The following PRDM1 variants were observed in gnomAD, a reference collection of about 807,000 sequenced individuals.
The protein encoded by PRDM1 is PR/SET domain 1.
PRDM1 carries 13 observed loss-of-function variants against 62.8 expected under a neutral mutation model. That is an observed-to-expected ratio of 0.21 (90% confidence interval 0.13 to 0.33). PRDM1 has a LOEUF of 0.33. Among genes scored for constraint, PRDM1 ranks in the 10% least tolerant of loss-of-function variants. PRDM1 has a pLI of 1.00. For missense variants in PRDM1, 895 were observed against 1,058.8 expected, an observed-to-expected ratio of 0.85 and a Z score of 2.15; for synonymous variants, 396 against 417.6, an observed-to-expected ratio of 0.95 and a Z score of 0.63.
chr6:106,096,553 T>C (rs1774122997), intron 3 of PRDM1, among the ~76,000 whole-genome samples: 2 of 152,240 alleles, frequency 1.3e-5, no homozygotes, highest in African/African-American at 4.8e-5. Flanking sequence ...TTTAAATACA[T>C]GTGCATGGTA....
intron 1 of PRDM1, among the ~76,000 whole-genome samples, chr6:106,004,116 GCTAAC>G (rs1313055384): frequency 1.1e-4 from 17 of 152,066 alleles, no homozygotes; most frequent in African/African-American, 3.9e-4. Flanking sequence ...TTCCCAGGGG[GCTAAC>G]CTACCTGAAA....
At chr6:106,009,537 A>G (rs1024907207) in intron 1 of PRDM1, among the ~76,000 whole-genome samples, 2 of 152,126 alleles carry the variant, frequency 1.3e-5, no homozygotes, top group African/African-American at 2.4e-5. Flanking sequence ...AAGGGGGGAA[A>G]GGGTGTGCAA....
intron 2 of PRDM1, among the ~76,000 whole-genome samples, chr6:106,094,181 A>G (rs1774029388): frequency 6.6e-6 from 1 of 152,254 alleles, no homozygotes; most frequent in Admixed American, 6.5e-5. Flanking sequence ...TTTCAGGTAC[A>G]TGAATGTACA....
chr6:106,003,443 G>A (rs1307554212), intron 1 of PRDM1, among the ~76,000 whole-genome samples: 1 of 152,188 alleles, frequency 6.6e-6, no homozygotes, highest in Non-Finnish European at 1.5e-5. Context: ...AGTGTGCCCT[G>A]CTGTAGTCTG....
At chr6:106,081,567 T>C (rs1216630502), upstream of PRDM1, among the ~76,000 whole-genome samples, 1 of 152,320 alleles carries the variant, frequency 6.6e-6, no homozygotes, top group East Asian at 1.9e-4. Flanking sequence ...TCGACTTAGA[T>C]TGGATACTAA....
intron 1 of PRDM1, among the ~76,000 whole-genome samples, chr6:106,061,022 T>A (rs1219499663): frequency 6.6e-6 from 1 of 152,152 alleles, no homozygotes; most frequent in Non-Finnish European, 1.5e-5. Context: ...GGGGAAATGA[T>A]CTGGAAGCAG....
intron 1 of PRDM1, among the ~76,000 whole-genome samples, chr6:106,070,280 G>A (rs1228159451): frequency 2.0e-5 from 3 of 152,106 alleles, no homozygotes; most frequent in Non-Finnish European, 4.4e-5. Context: ...TTCCATAAAT[G>A]GTAGCACATT....
intron 1 of PRDM1, among the ~76,000 whole-genome samples, chr6:106,009,852 G>C (rs371681598): frequency 8.5e-5 from 13 of 152,194 alleles, no homozygotes; most frequent in Non-Finnish European, 5.9e-5. Flanking sequence ...TGAGTAGCTG[G>C]GATTATAGGC....
chr6:106,103,305 G>C (rs1194139838), intron 4 of PRDM1, among the ~76,000 whole-genome samples: 4 of 152,184 alleles, frequency 2.6e-5, no homozygotes, highest in African/African-American at 9.7e-5. Context: ...AAAGGGTTCA[G>C]TTCTGGAGTT....
At position 106,105,526 on chromosome 6, in the gene PRDM1, C is replaced by G; in HGVS notation, c.1366C>G (p.Leu456Val). Reference sequence around the variant, plus strand: ...CAGCAATCTCCTCGGTGGGGGCAGCCTGCCCCACCCCATGCTCAACCCCAC... The same window carrying G: ...CAGCAATCTCCTCGGTGGGGGCAGCGTGCCCCACCCCATGCTCAACCCCAC... ...VYSNLLGGGSLPHPMLNPTSL... is the reference protein window; with the variant it reads ...VYSNLLGGGSVPHPMLNPTSL... The change falls in exon 5 of 7, where the codon CTG becomes GTG. Residue 456 changes from leucine (L) to valine (V), a missense_variant. By Grantham distance (32) the Leu-to-Val change is conservative. This residue lies in a region of PRDM1 where 444 missense variants were observed against 422.7 expected (regional missense o/e 1.05). Coordinates refer to ENST00000369096, the MANE Select transcript of PRDM1 (RefSeq NM_001198.4). 1 of 1,613,566 alleles carries G rather than the reference C, an allele frequency of 6.2e-7. No individual in the cohort carries two copies. Among genetic ancestry groups the G allele is most frequent in the East Asian group, 2.2e-5 (1 of 44,856 alleles).
In PRDM1 at chr6:106,107,432, AC is replaced by A; in HGVS notation, c.2426del (p.Pro809LeufsTer5). ...TGAAGTTGCCTCCCAGCAACCCACT[AC>A]CTCTGGTACCTGTAAAGGTCAAACA... ...LMKLPPSNPL[P>X]LVPVKVKQET... On this transcript the variant is annotated frameshift_variant, in exon 7 of 7. Transcript: ENST00000369096. LOFTEE classifies it high-confidence loss of function. The A allele has an allele frequency of 1.9e-6, 3 of 1,613,854 alleles. No individual in the cohort carries two copies. Among genetic ancestry groups the A allele is most frequent in the Non-Finnish European group, 2.5e-6 (3 of 1,179,934 alleles).
intron 1 of PRDM1, among the ~76,000 whole-genome samples, chr6:106,010,916 C>T (rs547489675): frequency 1.5e-4 from 23 of 152,180 alleles, no homozygotes; most frequent in African/African-American, 5.5e-4. Context: ...CTCAGGACTA[C>T]AGGTTTAAAA....
chr6:106,063,525 T>C (rs1468212864), intron 1 of PRDM1, among the ~76,000 whole-genome samples: 1 of 152,192 alleles, frequency 6.6e-6, no homozygotes, highest in Non-Finnish European at 1.5e-5. Context: ...TCTCTTCATA[T>C]ATAAAGAGAG....
chr6:106,081,197 G>T (rs188344416), intron 1 of PRDM1, among the ~76,000 whole-genome samples: 30 of 152,292 alleles, frequency 2.0e-4, no homozygotes, highest in African/African-American at 6.0e-4. Context: ...ACTCAGACAC[G>T]AATTTGGTTT....
At chr6:106,009,938 G>A (rs140909749) in intron 1 of PRDM1, among the ~76,000 whole-genome samples, 4 of 152,242 alleles carry the variant, frequency 2.6e-5, no homozygotes, top group African/African-American at 9.6e-5. Context: ...GGCTGGTCTC[G>A]AACTCTTAAC....
At chr6:106,083,179 G>C (rs1056362506), upstream of PRDM1, among the ~76,000 whole-genome samples, 2 of 130,904 alleles carry the variant, frequency 1.5e-5, no homozygotes, top group Non-Finnish European at 3.2e-5. Flanking sequence ...CCAGCATGAA[G>C]ATGCCTAACT....
chr6:106,030,958 A>C, intron 1 of PRDM1, among the ~76,000 whole-genome samples: 1 of 150,730 alleles, frequency 6.6e-6, no homozygotes, highest in East Asian at 1.9e-4. Context: ...AGTTAACAAT[A>C]GTTGGTAGGT....
chr6:106,064,711 T>C (rs6931212), intron 1 of PRDM1, among the ~76,000 whole-genome samples: 17,903 of 152,168 alleles, frequency 0.12, 1,560 homozygotes, highest in African/African-American at 0.25. Context: ...AAAGAATGTA[T>C]GCTTGGCCAA....
rs1237352725 is a variant in PRDM1, at chr6:106,107,071, A to T, written c.2063A>T (p.Lys688Met). Residue 688 changes from lysine to methionine, a missense_variant, in exon 7 of 7, where the codon AAG becomes ATG. Around this residue, in one of 4 missense-constraint regions of PRDM1, gnomAD observed 164 missense variants for 179.9 expected, o/e 0.91. Transcript: ENST00000369096. ...CTGCACACCCGGGAGCGGCCCCACA[A>T]GTGCTCCCAGTGCCACAAGAACTAC... ...KRLHTRERPH[K>M]CSQCHKNYIH... The T allele has an allele frequency of 1.2e-6, 2 of 1,614,208 alleles. No individual in the cohort carries two copies. The highest frequency in any genetic ancestry group is 2.2e-5 in the South Asian group (2 of 91,088).
Sources: allele counts gnomAD v4.1 joint callset (sites outside exome capture counted in the v4.1 genomes callset), GRCh38; gene constraint gnomAD v4.1.1; regional missense constraint gnomAD v4.1.1; transcripts MANE v1.5; gene names NCBI Gene and HGNC (gene_info 2026-07-23, HGNC 2026-07-21).